Variants in NALCN observed in about 807,000 individuals in gnomAD.
The protein encoded by NALCN is sodium leak channel, non-selective, also known as sodium leak channel NALCN.
In NALCN, 111 loss-of-function variants were observed where a neutral mutation model predicts 225.3. The observed-to-expected ratio is 0.49, with a 90% CI of 0.42 to 0.58. The LOEUF (loss-of-function observed/expected upper bound fraction) is 0.58. NALCN is among the 20% of genes least tolerant of loss of function. The pLI, the probability that NALCN is intolerant of heterozygous loss-of-function variation, is 0.00. For synonymous variants in NALCN, 764 were observed against 769.0 expected, an observed-to-expected ratio of 0.99 and a Z score of 0.11; for missense variants, 1,378 against 2,202.4, an observed-to-expected ratio of 0.63 and a Z score of 7.49.
chr13:101,266,848 A>G (rs144607243), intron 10 of NALCN, among the ~76,000 whole-genome samples: 122 of 152,344 alleles, frequency 8.0e-4, no homozygotes, highest in African/African-American at 2.8e-3. Flanking sequence ...AGACATCTGG[A>G]TATTCATTAC....
intron 17 of NALCN, among the ~76,000 whole-genome samples, chr13:101,140,801 A>G (rs1328092793): frequency 6.6e-6 from 1 of 152,180 alleles, no homozygotes; most frequent in African/African-American, 2.4e-5. Flanking sequence ...GGCCATGCCT[A>G]TAGTCCCGGC....
intron 7 of NALCN, among the ~76,000 whole-genome samples, chr13:101,329,235 G>A (rs1256520984): frequency 1.3e-5 from 2 of 152,138 alleles, no homozygotes; most frequent in Admixed American, 6.5e-5. Context: ...GAATTGCCTA[G>A]GACAATTTAC....
intron 13 of NALCN, among the ~76,000 whole-genome samples, chr13:101,228,709 G>T (rs930130138): frequency 6.6e-6 from 1 of 152,108 alleles, no homozygotes; most frequent in Non-Finnish European, 1.5e-5. Flanking sequence ...TTTATCATCA[G>T]TGTAAGAATG....
intron 10 of NALCN, among the ~76,000 whole-genome samples, chr13:101,259,751 TACACACACACATAA>T (rs2042359350): frequency 1.5e-5 from 2 of 131,922 alleles, no homozygotes; most frequent in African/African-American, 5.3e-5. Context: ...TATATATATA[TACACACACACATAA>T]ATATATATAT....
At chr13:101,177,485 A>T (rs12869357) in intron 14 of NALCN, among the ~76,000 whole-genome samples, 1 of 148,506 alleles carries the variant, frequency 6.7e-6, no homozygotes, top group Non-Finnish European at 1.5e-5. Flanking sequence ...TGCTTGAAGG[A>T]GGTACTTTAG....
At chr13:101,333,915 C>G (rs2045273176) in intron 7 of NALCN, among the ~76,000 whole-genome samples, 1 of 152,126 alleles carries the variant, frequency 6.6e-6, no homozygotes, top group African/African-American at 2.4e-5. Flanking sequence ...TTCAAACGAA[C>G]AGTGAAATTA....
intron 7 of NALCN, among the ~76,000 whole-genome samples, chr13:101,318,835 G>A (rs769058419): frequency 3.9e-5 from 6 of 152,118 alleles, no homozygotes; most frequent in Non-Finnish European, 7.3e-5. Context: ...TTATGACACT[G>A]CGCAAGATTG....
intron 20 of NALCN, among the ~76,000 whole-genome samples, chr13:101,108,130 A>G (rs2035241312): frequency 6.7e-6 from 1 of 149,198 alleles, no homozygotes; most frequent in African/African-American, 2.4e-5. Context: ...TACTAAAGGT[A>G]TATATTTACA....
Position 101,104,637 on chromosome 13 carries a change from A to G in NALCN, c.2650T>C (p.Leu884=), listed in dbSNP as rs777921493. ...ATGACCCAGTCCAGGTAAGTGACCA[A>G]TCCCAGCAAATCACTGCCAAAGACC... ...KYHQLYDLLG[L]VTYLDWVMII... is the part of the protein sequence containing the mutation. Residue 884 remains leucine (L), a synonymous_variant, in exon 24 of 44, where the codon TTG becomes CTG. Transcript: ENST00000251127. This position sits in a 1 kb window ranked among gnomAD's most constrained non-coding sequence, Gnocchi z 4.2. 5.0e-6 allele frequency: 8 copies of G among 1,613,916 alleles called. No homozygotes were observed. The highest frequency in any genetic ancestry group is 5.9e-6 in the Non-Finnish European group (7 of 1,179,874).
chr13:101,248,949 A>G (rs529542759), intron 11 of NALCN, among the ~76,000 whole-genome samples: 1 of 152,218 alleles, frequency 6.6e-6, no homozygotes, highest in East Asian at 1.9e-4. Flanking sequence ...TATTAGCCAT[A>G]TGATATGTCA....
chr13:101,214,049 T>C (rs1211788307), intron 13 of NALCN, among the ~76,000 whole-genome samples: 1 of 152,150 alleles, frequency 6.6e-6, no homozygotes, highest in Non-Finnish European at 1.5e-5. Flanking sequence ...AACCCAAGTG[T>C]CCAACAATGA....
chr13:101,148,099 T>C (rs566909574), intron 15 of NALCN, among the ~76,000 whole-genome samples: 4 of 152,262 alleles, frequency 2.6e-5, no homozygotes, highest in East Asian at 1.9e-4. Context: ...TACGGGTCAA[T>C]TGAATCCACA....
intron 7 of NALCN, among the ~76,000 whole-genome samples, chr13:101,337,190 C>A (rs111688864): frequency 5.9e-5 from 9 of 152,256 alleles, no homozygotes; most frequent in African/African-American, 2.2e-4. Context: ...ATACAGAATA[C>A]AAGGGACTAG....
intron 7 of NALCN, among the ~76,000 whole-genome samples, chr13:101,302,840 T>C (rs575422752): frequency 1.2e-4 from 18 of 150,326 alleles, no homozygotes; most frequent in African/African-American, 4.3e-4. Flanking sequence ...TTCAGTAAGC[T>C]TCCAAAGCCT....
At chr13:101,118,958 C>G (rs891702980) in intron 18 of NALCN, among the ~76,000 whole-genome samples, 2 of 152,176 alleles carry the variant, frequency 1.3e-5, no homozygotes, top group African/African-American at 4.8e-5. Context: ...GAATGCGGAG[C>G]TGCAGAGAAA....
At position 101,075,941 on chromosome 13, in the gene NALCN, T is replaced by C. The variant is rs767073310; in HGVS notation, c.3886A>G (p.Asn1296Asp). ...VWVVLHFALLNAYTYMMGACV... is the reference protein window; with the variant it reads ...VWVVLHFALLDAYTYMMGACV... ...GCGCCCATCATGTAAGTATATGCAT[T>C]CTGAAATTTAAACAGAAGACAGCTT... The change falls in exon 35 of 44, where the codon AAT (asparagine) becomes GAT (aspartate). Residue 1296 changes from asparagine to aspartate, a missense_variant and splice_region_variant. Asn to Asp is a conservative substitution (Grantham distance 23). Around this residue, in one of 19 missense-constraint regions of NALCN, gnomAD observed 98 missense variants for 156.6 expected, o/e 0.63. Transcript: ENST00000251127. 1 of 1,605,124 alleles carries C rather than the reference T, an allele frequency of 6.2e-7. No homozygotes were observed. Among genetic ancestry groups the C allele is most frequent in the East Asian group, 2.2e-5 (1 of 44,458 alleles).
At chr13:101,226,622 A>G (rs1302313217) in intron 13 of NALCN, among the ~76,000 whole-genome samples, 1 of 150,166 alleles carries the variant, frequency 6.7e-6, no homozygotes, top group African/African-American at 2.5e-5. Context: ...CCGTTCCAGG[A>G]GTCCTGCTCC....
chr13:101,399,476 G>C (rs1368295130), intron 1 of NALCN, among the ~76,000 whole-genome samples: 1 of 152,140 alleles, frequency 6.6e-6, no homozygotes, highest in African/African-American at 2.4e-5. Context: ...AATCTTTTTA[G>C]ATGTATGCTC....
intron 10 of NALCN, among the ~76,000 whole-genome samples, chr13:101,278,301 G>C (rs923390991): frequency 1.3e-5 from 2 of 151,986 alleles, no homozygotes; most frequent in Non-Finnish European, 2.9e-5. Flanking sequence ...GAGGTGGGCG[G>C]ATCATGAGGT....
Sources: allele counts gnomAD v4.1 joint callset (sites outside exome capture counted in the v4.1 genomes callset), GRCh38; gene constraint gnomAD v4.1.1; regional missense constraint gnomAD v4.1.1; non-coding constraint Gnocchi (gnomAD v3.1); transcripts MANE v1.5; gene names NCBI Gene and HGNC (gene_info 2026-07-23, HGNC 2026-07-21).